Variants in GRM5 observed in about 807,000 individuals in gnomAD.
GRM5 encodes metabotropic glutamate receptor 5.
In GRM5, 19 loss-of-function variants were observed where a neutral mutation model predicts 83.1. That is an observed-to-expected ratio of 0.23 (90% confidence interval 0.16 to 0.34). The LOEUF is 0.34. Ranked by LOEUF, GRM5 falls within the 10% of genes least tolerant of loss-of-function variation. The pLI, the probability that GRM5 is intolerant of heterozygous loss-of-function variation, is 1.00. For synonymous variants in GRM5, 675 were observed against 633.6 expected, an observed-to-expected ratio of 1.07 and a Z score of -0.98; for missense variants, 1,160 against 1,588.3, an observed-to-expected ratio of 0.73 and a Z score of 4.58.
At chr11:88,635,126 A>G (rs1939082804) in intron 4 of GRM5, among the ~76,000 whole-genome samples, 1 of 152,198 alleles carries the variant, frequency 6.6e-6, no homozygotes, top group Non-Finnish European at 1.5e-5. Context: ...TAATGCTGTG[A>G]TGAGCATTGG....
At chr11:88,718,665 A>C (rs970137500) in intron 3 of GRM5, among the ~76,000 whole-genome samples, 5 of 151,942 alleles carry the variant, frequency 3.3e-5, no homozygotes, top group African/African-American at 1.2e-4. Flanking sequence ...TGAATTCCTC[A>C]TAGGCTCAGT....
intron 3 of GRM5, among the ~76,000 whole-genome samples, chr11:88,723,226 C>A (rs1941588748): frequency 6.6e-6 from 1 of 151,118 alleles, no homozygotes; most frequent in Non-Finnish European, 1.5e-5. Context: ...TTCTTTTCAT[C>A]ACTGACTACT....
chr11:88,583,903 T>C (rs1943261465), intron 7 of GRM5, among the ~76,000 whole-genome samples: 2 of 152,204 alleles, frequency 1.3e-5, no homozygotes, highest in African/African-American at 2.4e-5. Flanking sequence ...CCTTGTTCTA[T>C]TGATTTTAAT....
At chr11:88,893,250 G>C (rs919450108) in intron 2 of GRM5, among the ~76,000 whole-genome samples, 2 of 151,890 alleles carry the variant, frequency 1.3e-5, no homozygotes, top group African/African-American at 4.8e-5. Flanking sequence ...TATATACAAA[G>C]GATATAAAGG....
At chr11:88,575,913 GT>G (rs796563689) in intron 7 of GRM5, among the ~76,000 whole-genome samples, 53 of 151,198 alleles carry the variant, frequency 3.5e-4, no homozygotes, top group South Asian at 4.2e-4. Flanking sequence ...TTTTATTTTT[GT>G]TTTTTTTAAT....
intron 2 of GRM5, among the ~76,000 whole-genome samples, chr11:89,024,977 T>C (rs1198916593): frequency 6.6e-6 from 1 of 152,110 alleles, no homozygotes; most frequent in Non-Finnish European, 1.5e-5. Context: ...TATTTATATC[T>C]TCTTAATGTC....
chr11:88,818,659 C>T (rs924373988), intron 3 of GRM5, among the ~76,000 whole-genome samples: 2 of 152,090 alleles, frequency 1.3e-5, no homozygotes, highest in African/African-American at 4.8e-5. Context: ...TTATTCATGC[C>T]TGTCATTCAA....
chr11:88,753,868 G>A (rs550723369), intron 3 of GRM5, among the ~76,000 whole-genome samples: 1 of 152,202 alleles, frequency 6.6e-6, no homozygotes, highest in African/African-American at 2.4e-5. Context: ...GTCTCACATT[G>A]CAGCAGACAA....
chr11:88,537,977 A>G (rs1239563183), intron 8 of GRM5, among the ~76,000 whole-genome samples: 1 of 152,156 alleles, frequency 6.6e-6, no homozygotes, highest in Admixed American at 6.5e-5. Flanking sequence ...ATAAGGAATT[A>G]AAAAGTAAAA....
At chr11:88,757,560 C>T (rs2135434454) in intron 3 of GRM5, among the ~76,000 whole-genome samples, 1 of 151,956 alleles carries the variant, frequency 6.6e-6, no homozygotes, top group South Asian at 2.1e-4. Flanking sequence ...CAGACTTGTG[C>T]CCACCAGTGT....
At chr11:88,877,197 A>G (rs187222054) in intron 2 of GRM5, among the ~76,000 whole-genome samples, 10 of 152,272 alleles carry the variant, frequency 6.6e-5, no homozygotes, top group African/African-American at 2.4e-4. Flanking sequence ...TATATACTTC[A>G]AAGTAGCAAG....
intron 3 of GRM5, among the ~76,000 whole-genome samples, chr11:88,676,002 G>A (rs1350047077): frequency 6.6e-6 from 1 of 151,920 alleles, no homozygotes. Flanking sequence ...CTGCAGCTCT[G>A]GTTCCATGAA....
intron 3 of GRM5, among the ~76,000 whole-genome samples, chr11:88,677,038 G>T (rs1299166759): frequency 2.0e-5 from 3 of 152,034 alleles, no homozygotes; most frequent in Non-Finnish European, 4.4e-5. Context: ...TAGGATGAAA[G>T]GTTGTATGGT....
At chr11:88,583,429 A>G (rs1469270733) in intron 7 of GRM5, among the ~76,000 whole-genome samples, 1 of 152,230 alleles carries the variant, frequency 6.6e-6, no homozygotes, top group Non-Finnish European at 1.5e-5. Flanking sequence ...CCTTGGATGG[A>G]ATAAAATGGA....
chr11:89,024,731 G>A (rs1941087599), intron 2 of GRM5, among the ~76,000 whole-genome samples: 1 of 152,100 alleles, frequency 6.6e-6, no homozygotes, highest in South Asian at 2.1e-4. Context: ...GTGTATTACT[G>A]GAAAAAACAA....
At chr11:88,923,028 T>C (rs1232718463) in intron 2 of GRM5, among the ~76,000 whole-genome samples, 1 of 131,826 alleles carries the variant, frequency 7.6e-6, no homozygotes, top group African/African-American at 2.8e-5. Flanking sequence ...ACAATATGAT[T>C]TCATCTCACC....
chr11:89,012,434 A>G (rs577298490), intron 2 of GRM5, among the ~76,000 whole-genome samples: 1 of 152,236 alleles, frequency 6.6e-6, no homozygotes, highest in South Asian at 2.1e-4. Context: ...CAGAGTCTGA[A>G]CCATTTAACC....
At chr11:88,818,224 C>T (rs539938668) in intron 3 of GRM5, among the ~76,000 whole-genome samples, 1 of 152,110 alleles carries the variant, frequency 6.6e-6, no homozygotes, top group Admixed American at 6.5e-5. Flanking sequence ...TTTTATATGT[C>T]TTAGTTGGGA....
chr11:88,848,816 T>C (rs1944341266), intron 3 of GRM5, among the ~76,000 whole-genome samples: 2 of 152,176 alleles, frequency 1.3e-5, no homozygotes, highest in Non-Finnish European at 2.9e-5. Flanking sequence ...AAATTAACAT[T>C]TGAAGCAGTA....
Sources: gnomAD v4.1 joint callset for allele counts (sites outside exome capture counted in the v4.1 genomes callset) on GRCh38, gnomAD v4.1.1 for gene constraint, MANE v1.5 for transcripts, NCBI Gene and HGNC (gene_info 2026-07-23, HGNC 2026-07-21) for gene names.